Variants in MEIOC observed in about 807,000 individuals in gnomAD.
MEIOC encodes the protein meiosis-specific coiled-coil domain-containing protein MEIOC.
Under a neutral mutation model 85.3 loss-of-function variants are expected in MEIOC, and 9 were observed. That is an observed-to-expected ratio of 0.11 (90% CI 0.06 to 0.18). MEIOC has a LOEUF of 0.18. Among genes scored for constraint, MEIOC ranks in the 10% least tolerant of loss-of-function variants. The pLI, the probability that MEIOC is intolerant of heterozygous loss-of-function variation, is 1.00. For synonymous variants in MEIOC, 365 were observed against 393.7 expected (o/e 0.93, Z 0.86); for missense variants, 898 against 1,129.4 (o/e 0.80, Z 2.94).
intron 5 of MEIOC, 22 bp downstream of exon 5, chr17:44,668,255 A>T: frequency 6.4e-7 from 1 of 1,563,866 alleles, no homozygotes; most frequent in African/African-American, 1.4e-5. Context: ...TTAACCACTT[A>T]GGAATAACAG....
chr17:44,664,439 G>A (rs1251607728), intron 3 of MEIOC, among the ~76,000 whole-genome samples: 3 of 152,032 alleles, frequency 2.0e-5, no homozygotes, highest in Non-Finnish European at 2.9e-5. Flanking sequence ...CTGAAAATCC[G>A]AAATCCAGAC....
chr17:44,656,510 G>A lies in MEIOC; in HGVS notation c.-104G>A, dbSNP rs916770763. On this transcript the variant is annotated 5_prime_UTR_variant, in exon 1 of 8. Coordinates refer to ENST00000409122, the MANE Select transcript of MEIOC (RefSeq NM_001145080.3). ...CGCCCGGGCGGCGGAGGCGGCTGCGGAGACGGCGGGGTGCGGGCTGAGGGA... is the reference window on the plus strand; with the variant it reads ...CGCCCGGGCGGCGGAGGCGGCTGCGAAGACGGCGGGGTGCGGGCTGAGGGA... 6.2e-6 allele frequency: 6 copies of A among 971,538 alleles called. No individual in the cohort carries two copies. Among genetic ancestry groups the A allele is most frequent in the Non-Finnish European group, 8.4e-6 (6 of 715,374 alleles). The allele number at this position is 971,538 out of a possible 1,614,324, so 60.2% of individuals were successfully genotyped here. A position where few individuals can be genotyped will look rare whatever the true frequency, so the allele number is the denominator to read the frequency against.
rs367775822 is a variant in MEIOC at position 44,667,204 on chromosome 17, C to A, written c.1293C>A (p.Pro431=). The A allele has an allele frequency of 1.5e-5, 24 of 1,613,868 alleles. No homozygotes were observed. The South Asian group carries it at 2.4e-4, about 16-fold the overall frequency. ...GACTAAAACCTCACACAGCTTGTCC[C>A]GCTAATGATTTTGCTAACGTCACAG... ...EYGLKPHTAC[P]ANDFANVTEK... The change falls in exon 5 of 8, where the codon CCC becomes CCA. Residue 431 remains proline, a synonymous_variant. Transcript: ENST00000409122.
At chr17:44,672,477 G>A (rs1463420582) in intron 6 of MEIOC, among the ~76,000 whole-genome samples, 1 of 152,162 alleles carries the variant, frequency 6.6e-6, no homozygotes, top group African/African-American at 2.4e-5. Context: ...ACGAGTTTGA[G>A]GTTAGAGAAA....
intron 4 of MEIOC, among the ~76,000 whole-genome samples, chr17:44,666,109 A>G (rs191291816): frequency 6.6e-6 from 1 of 152,310 alleles, no homozygotes; most frequent in East Asian, 1.9e-4. Flanking sequence ...ATCTAAGACC[A>G]TGAAGTCACA....
At chr17:44,664,383 TAAAC>T (rs1448443373) in intron 3 of MEIOC, among the ~76,000 whole-genome samples, 6 of 151,240 alleles carry the variant, frequency 4.0e-5, no homozygotes, top group African/African-American at 1.2e-4. Flanking sequence ...AATAAATAAA[TAAAC>T]AAACAAACCA....
chr17:44,673,601 G>A (rs916225848), intron 7 of MEIOC, 55 bp downstream of exon 7: 3 of 1,324,752 alleles, frequency 2.3e-6, no homozygotes, highest in East Asian at 5.2e-5. Flanking sequence ...TTTAGGTATT[G>A]ATAAAATCAG....
intron 6 of MEIOC, among the ~76,000 whole-genome samples, chr17:44,672,438 G>A (rs549051127): frequency 1.3e-5 from 2 of 152,190 alleles, no homozygotes; most frequent in African/African-American, 4.8e-5. Flanking sequence ...TTTAACATAC[G>A]GAATAGACTT....
chr17:44,660,714 A>G (rs1568132155), intron 2 of MEIOC, among the ~76,000 whole-genome samples: 1 of 152,110 alleles, frequency 6.6e-6, no homozygotes, highest in Non-Finnish European at 1.5e-5. Context: ...CAATGTATAA[A>G]TTAGCTTAAT....
chr17:44,662,324 A>G lies in MEIOC; in HGVS notation c.212A>G (p.Asp71Gly), dbSNP rs181956190. The stretch of plus-strand genomic sequence containing the variant: ...ATTTCTTAAAACTTTCAGAGTGAAG[A>G]CAATGTAGACCTAAGGCAGACCTAT... Reference protein sequence around the residue: ...FYDCYTSQSEDNVDLRQTYTP... With the variant: ...FYDCYTSQSEGNVDLRQTYTP... The change falls in exon 3 of 8, where the codon GAC becomes GGC. Residue 71 changes from aspartate (D) to glycine (G), a missense_variant. Asp to Gly is a moderately conservative substitution (Grantham distance 94, BLOSUM62 -1). Around this residue, in one of 2 missense-constraint regions of MEIOC, gnomAD observed 734 missense variants for 860.1 expected, o/e 0.85. Transcript: ENST00000409122. 6.6e-4 allele frequency: 1,011 copies of G among 1,541,112 alleles called. No homozygotes were observed. Among genetic ancestry groups the G allele is most frequent in the Middle Eastern group, 3.3e-3 (19 of 5,780 alleles).
intron 6 of MEIOC, 36 bp downstream of exon 6, chr17:44,669,553 T>C: frequency 6.5e-7 from 1 of 1,549,924 alleles, no homozygotes; most frequent in South Asian, 1.2e-5. Context: ...GGATGGATTT[T>C]TTGTTAAATT....
chr17:44,657,334 GTGTTTAA>G, intron 2 of MEIOC, 73 bp downstream of exon 2: 6 of 1,349,814 alleles, frequency 4.4e-6, no homozygotes, highest in Non-Finnish European at 6.1e-6. Context: ...CGATTCATAG[GTGTTTAA>G]TGGCTCCACA....
Position 44,656,660 on chromosome 17 carries a change from G to T in MEIOC, c.47G>T (p.Gly16Val). Residue 16 changes from glycine to valine, a missense_variant, in exon 1 of 8, where the codon GGC becomes GTC. Around this residue, in one of 2 missense-constraint regions of MEIOC, gnomAD observed 734 missense variants for 860.1 expected, o/e 0.85. Coordinates refer to ENST00000409122, the MANE Select transcript of MEIOC (RefSeq NM_001145080.3). ...GDTCPRPHPS[G>V]LREEGLEPKV... ...ACCTGCCCGCGCCCTCACCCCTCAG[G>T]CCTGAGGGAGGAAGGACTTGAGGTA... 1 of 1,493,074 alleles carries T rather than the reference G, an allele frequency of 6.7e-7. No individual in the cohort carries two copies. The highest frequency in any genetic ancestry group is 1.3e-5 in the South Asian group (1 of 77,980). The allele number at this position is 1,493,074 out of a possible 1,614,324, so 92.5% of individuals were successfully genotyped here.
At position 44,656,646 on chromosome 17, in the gene MEIOC, C is replaced by T. The variant is rs1470501275; in HGVS notation, c.33C>T (p.Arg11=). The change falls in exon 1 of 8, where the codon CGC becomes CGT. Residue 11 remains arginine, a synonymous_variant. Coordinates refer to ENST00000409122, the MANE Select transcript of MEIOC (RefSeq NM_001145080.3). The part of the protein sequence containing the change: MEVRRGDTCP[R]PHPSGLREEG... ...TGAGACGCGGAGACACCTGCCCGCG[C>T]CCTCACCCCTCAGGCCTGAGGGAGG... 4 of 1,489,728 alleles carry T rather than the reference C, an allele frequency of 2.7e-6. No individual in the cohort carries two copies. The highest frequency in any genetic ancestry group is 3.6e-6 in the Non-Finnish European group (4 of 1,119,280). The allele number at this position is 1,489,728 out of a possible 1,614,324, so 92.3% of individuals were successfully genotyped here. A position where few individuals can be genotyped will look rare whatever the true frequency, so the allele number is the denominator to read the frequency against.
At chr17:44,671,277 C>T (rs774948566) in intron 6 of MEIOC, 1 of 151,130 alleles carries the variant, frequency 6.6e-6, no homozygotes, top group Non-Finnish European at 1.5e-5. Context: ...TAATACATTT[C>T]TAGGAAATGA....
chr17:44,660,035 T>G (rs917445775), intron 2 of MEIOC, among the ~76,000 whole-genome samples: 3 of 152,152 alleles, frequency 2.0e-5, no homozygotes, highest in African/African-American at 7.2e-5. Context: ...TAAAATATTT[T>G]GAGATTCTTG....
intron 2 of MEIOC, 64 bp downstream of exon 2, chr17:44,657,325 G>A: frequency 6.9e-7 from 1 of 1,442,020 alleles, no homozygotes. Context: ...TCGAGCCACC[G>A]ATTCATAGGT....
intron 2 of MEIOC, 71 bp downstream of exon 2, chr17:44,657,332 A>C: frequency 2.5e-6 from 3 of 1,180,374 alleles, no homozygotes; most frequent in Non-Finnish European, 3.6e-6. Flanking sequence ...ACCGATTCAT[A>C]GGTGTTTAAT....
At chr17:44,657,521 A>T (rs976179912) in intron 2 of MEIOC, among the ~76,000 whole-genome samples, 1 of 149,730 alleles carries the variant, frequency 6.7e-6, no homozygotes, top group Non-Finnish European at 1.5e-5. Context: ...GGCACGCGCC[A>T]CCACGCCCGG....
Sources: allele counts gnomAD v4.1 joint callset (sites outside exome capture counted in the v4.1 genomes callset), GRCh38; gene constraint gnomAD v4.1.1; regional missense constraint gnomAD v4.1.1; transcripts MANE v1.5; gene names NCBI Gene and HGNC (gene_info 2026-07-23, HGNC 2026-07-21).